The following FRMD4A variants were observed in gnomAD, a reference collection of about 807,000 sequenced individuals.
The protein encoded by FRMD4A is FERM domain-containing protein 4A.
In FRMD4A, 29 loss-of-function variants were observed where a neutral mutation model predicts 129.1. That is an observed-to-expected ratio of 0.22 (90% CI 0.17 to 0.31). FRMD4A has a LOEUF of 0.31. FRMD4A is among the 10% of genes least tolerant of loss of function. The pLI is 1.00. For synonymous variants in FRMD4A, 634 were observed against 571.6 expected (o/e 1.11, Z -1.56); for missense variants, 1,272 against 1,375.8 (o/e 0.92, Z 1.19).
At chr10:13,896,799 G>A (rs2094763656) in intron 2 of FRMD4A, among the ~76,000 whole-genome samples, 1 of 152,192 alleles carries the variant, frequency 6.6e-6, no homozygotes, top group African/African-American at 2.4e-5. Flanking sequence ...TGTTTCACCA[G>A]TGGTTATCCT....
intron 3 of FRMD4A, among the ~76,000 whole-genome samples, chr10:13,843,840 C>G (rs577443431): frequency 6.6e-6 from 1 of 152,276 alleles, no homozygotes; most frequent in East Asian, 1.9e-4. Context: ...GAGGTGGTGC[C>G]TGGGCTGCTG....
At chr10:13,833,399 T>C (rs1008508272) in intron 3 of FRMD4A, among the ~76,000 whole-genome samples, 1 of 152,142 alleles carries the variant, frequency 6.6e-6, no homozygotes, top group Admixed American at 6.6e-5. Flanking sequence ...CAGGATGCAA[T>C]TATCTCCACC....
chr10:14,257,065 A>G (rs1844639460), intron 2 of FRMD4A, among the ~76,000 whole-genome samples: 1 of 152,180 alleles, frequency 6.6e-6, no homozygotes, highest in Admixed American at 6.5e-5. Flanking sequence ...GTAGTGGCTC[A>G]CACCTGTAAT....
At chr10:14,300,867 G>A (rs1338980346) in intron 2 of FRMD4A, among the ~76,000 whole-genome samples, 2 of 152,158 alleles carry the variant, frequency 1.3e-5, no homozygotes, top group African/African-American at 2.4e-5. Context: ...CTACTGGGAG[G>A]TGATTTCTAG....
chr10:14,258,827 T>C (rs1411707373), intron 2 of FRMD4A, among the ~76,000 whole-genome samples: 1 of 152,228 alleles, frequency 6.6e-6, no homozygotes, highest in South Asian at 2.1e-4. Flanking sequence ...TACTTAGCCA[T>C]AAAAATAAAT....
intron 3 of FRMD4A, among the ~76,000 whole-genome samples, chr10:13,837,709 A>T (rs552410530): frequency 1.3e-5 from 2 of 152,312 alleles, no homozygotes; most frequent in East Asian, 3.9e-4. Context: ...CAACAAGAAG[A>T]TGTGAATATT....
chr10:14,256,700 G>T (rs1203527896), intron 2 of FRMD4A, among the ~76,000 whole-genome samples: 3 of 152,228 alleles, frequency 2.0e-5, no homozygotes, highest in African/African-American at 7.2e-5. Flanking sequence ...AAGTATATGT[G>T]GGCTGGGTGC....
In FRMD4A at chr10:13,878,822, G is replaced by GGGAGGGAAGGAAGGAA. The variant is rs1554953625; in HGVS notation, c.46-19911_46-19910insTTCCTTCCTTCCCTCC. Reference sequence around the variant, plus strand: ...AAGGAGAGAAAGAGAGAGGGAGGGAGGGAAGGAAGGAAGGAAGGAAGGAAG... The same window carrying GGGAGGGAAGGAAGGAA: ...AAGGAGAGAAAGAGAGAGGGAGGGAGGGAGGGAAGGAAGGAAGGAAGGAAGGAAGGAAGGAAGGAAG... On this transcript the variant is annotated intron_variant, in intron 2 of 24. Coordinates refer to ENST00000357447, the MANE Select transcript of FRMD4A (RefSeq NM_018027.5). Among the ~76,000 whole-genome samples, 16 of 140,870 alleles carry GGGAGGGAAGGAAGGAA rather than the reference G, an allele frequency of 1.1e-4. No individual in the cohort carries two copies. In the East Asian group the frequency reaches 3.2e-3, roughly 28 times the overall value. 92.4% of individuals were successfully genotyped at this position (140,870 alleles called of 152,430 possible).
intron 2 of FRMD4A, among the ~76,000 whole-genome samples, chr10:13,913,827 G>C (rs1028875687): frequency 6.6e-6 from 1 of 152,196 alleles, no homozygotes; most frequent in East Asian, 1.9e-4. Flanking sequence ...GCTGAAGTTG[G>C]CATTCTGGTG....
At chr10:13,665,869 T>C (rs1369475056) in intron 18 of FRMD4A, among the ~76,000 whole-genome samples, 1 of 152,238 alleles carries the variant, frequency 6.6e-6, no homozygotes, top group African/African-American at 2.4e-5. Context: ...AAACCAATAG[T>C]GATACCAACA....
At chr10:14,098,117 T>C (rs56305501) in intron 2 of FRMD4A, among the ~76,000 whole-genome samples, 3 of 145,518 alleles carry the variant, frequency 2.1e-5, no homozygotes, top group Non-Finnish European at 4.5e-5. Flanking sequence ...ATAATTTATA[T>C]ATATTATATA....
chr10:14,003,322 G>A (rs916339373), intron 2 of FRMD4A, among the ~76,000 whole-genome samples: 5 of 152,268 alleles, frequency 3.3e-5, no homozygotes, highest in Middle Eastern at 3.4e-3. Context: ...AGGAAGCTGG[G>A]GGTGTTGGAG....
intron 2 of FRMD4A, among the ~76,000 whole-genome samples, chr10:13,963,392 A>G (rs2095460090): frequency 6.6e-6 from 1 of 151,998 alleles, no homozygotes; most frequent in Non-Finnish European, 1.5e-5. Context: ...ATACATTGCC[A>G]TAACGAAATG....
intron 2 of FRMD4A, among the ~76,000 whole-genome samples, chr10:14,014,806 T>C (rs562031665): frequency 5.6e-4 from 85 of 152,380 alleles, no homozygotes; most frequent in African/African-American, 1.8e-3. Flanking sequence ...CTGTTTGCAG[T>C]ATCTGTCTTT....
chr10:13,855,327 T>C (rs1217727612), intron 3 of FRMD4A, among the ~76,000 whole-genome samples: 3 of 152,124 alleles, frequency 2.0e-5, no homozygotes, highest in Non-Finnish European at 2.9e-5. Context: ...ACTGATGCCA[T>C]AGAAGCTCCT....
intron 2 of FRMD4A, among the ~76,000 whole-genome samples, chr10:14,220,595 G>A (rs1463579610): frequency 1.3e-5 from 2 of 152,182 alleles, no homozygotes; most frequent in Non-Finnish European, 2.9e-5. Flanking sequence ...CCGATTAGAG[G>A]AAATTCACTT....
intron 2 of FRMD4A, among the ~76,000 whole-genome samples, chr10:14,097,938 A>T (rs1449112062): frequency 6.8e-6 from 1 of 145,988 alleles, no homozygotes; most frequent in Non-Finnish European, 1.5e-5. Context: ...ATTGTATATT[A>T]CATATATTAT....
intron 2 of FRMD4A, among the ~76,000 whole-genome samples, chr10:14,192,859 A>T (rs1386756632): frequency 2.0e-5 from 3 of 152,242 alleles, no homozygotes; most frequent in Admixed American, 6.5e-5. Context: ...AGGATGATTT[A>T]TTTATTCACT....
intron 12 of FRMD4A, among the ~76,000 whole-genome samples, chr10:13,734,490 C>G (rs144273040): frequency 3.7e-3 from 562 of 152,290 alleles, no homozygotes; most frequent in Admixed American, 7.9e-3. Flanking sequence ...ACTTGATGTT[C>G]CAGAATGAAG....
Sources: allele counts gnomAD v4.1 joint callset (sites outside exome capture counted in the v4.1 genomes callset), GRCh38; gene constraint gnomAD v4.1.1; transcripts MANE v1.5; gene names NCBI Gene and HGNC (gene_info 2026-07-23, HGNC 2026-07-21).